CPEB3: variants seen among roughly 807,000 people sequenced by gnomAD.
CPEB3 encodes the protein cytoplasmic polyadenylation element-binding protein 3.
A neutral mutation model predicts 67.2 loss-of-function variants in CPEB3; 20 were observed. The observed-to-expected ratio is 0.30, with a 90% CI of 0.21 to 0.43. The LOEUF (loss-of-function observed/expected upper bound fraction) is 0.43, where lower values mean the gene tolerates loss of function less well. Ranked by LOEUF, CPEB3 falls within the 20% of genes least tolerant of loss-of-function variation. The pLI, the probability that CPEB3 is intolerant of heterozygous loss-of-function variation, is 1.00. For missense variants in CPEB3, 746 were observed against 968.6 expected (o/e 0.77, Z 3.05); for synonymous variants, 376 against 393.1 (o/e 0.96, Z 0.51).
At chr10:92,140,443 C>A (rs906926322) in intron 6 of CPEB3, among the ~76,000 whole-genome samples, 13 of 152,144 alleles carry the variant, frequency 8.5e-5, no homozygotes, top group African/African-American at 2.9e-4. Context: ...AAAGCTGAAA[C>A]TGGATCCCTT....
At chr10:92,066,550 T>C (rs944239514) in intron 9 of CPEB3, among the ~76,000 whole-genome samples, 4 of 152,266 alleles carry the variant, frequency 2.6e-5, no homozygotes, top group Middle Eastern at 3.4e-3. Context: ...TGGAGCAACA[T>C]AGCTTCTTGG....
intron 1 of CPEB3, among the ~76,000 whole-genome samples, chr10:92,250,477 T>C (rs1241415781): frequency 6.6e-6 from 1 of 152,332 alleles, no homozygotes; most frequent in East Asian, 1.9e-4. Flanking sequence ...CAATTTATTA[T>C]TGAAGAAAAG....
intron 2 of CPEB3, among the ~76,000 whole-genome samples, chr10:92,199,807 A>C (rs1168236587): frequency 2.6e-5 from 4 of 152,106 alleles, no homozygotes; most frequent in African/African-American, 9.7e-5. Flanking sequence ...TCTGCACTAT[A>C]AACAGTTTAA....
intron 3 of CPEB3, among the ~76,000 whole-genome samples, chr10:92,189,416 G>A (rs1427284410): frequency 6.6e-6 from 1 of 152,154 alleles, no homozygotes; most frequent in African/African-American, 2.4e-5. Flanking sequence ...GATAACATTT[G>A]AGCAGTTTCT....
chr10:92,064,559 C>T (rs1564749209), intron 9 of CPEB3, among the ~76,000 whole-genome samples: 1 of 152,128 alleles, frequency 6.6e-6, no homozygotes, highest in East Asian at 1.9e-4. Flanking sequence ...TCAACAGAGG[C>T]AAAATATTTA....
chr10:92,156,734 T>C (rs979710178), intron 4 of CPEB3, among the ~76,000 whole-genome samples: 2 of 152,206 alleles, frequency 1.3e-5, no homozygotes, highest in African/African-American at 4.8e-5. Context: ...TAAAATTTAA[T>C]GATATTTATT....
At chr10:92,052,921 C>T (rs1291606351) in intron 9 of CPEB3, among the ~76,000 whole-genome samples, 1 of 152,162 alleles carries the variant, frequency 6.6e-6, no homozygotes, top group Non-Finnish European at 1.5e-5. Flanking sequence ...AGGAGGCAGG[C>T]ACATCCTTGG....
chr10:92,158,854 C>G (rs975535094), intron 4 of CPEB3, among the ~76,000 whole-genome samples: 5 of 152,198 alleles, frequency 3.3e-5, no homozygotes, highest in African/African-American at 9.6e-5. Context: ...ACTGTGGTAT[C>G]ATGTATCACT....
chr10:92,213,982 A>G (rs1051474357), intron 2 of CPEB3, among the ~76,000 whole-genome samples: 1 of 152,180 alleles, frequency 6.6e-6, no homozygotes, highest in Non-Finnish European at 1.5e-5. Flanking sequence ...ACAGAAAACC[A>G]TACATATGAC....
At chr10:92,200,479 A>G (rs1849468817) in intron 2 of CPEB3, among the ~76,000 whole-genome samples, 1 of 138,004 alleles carries the variant, frequency 7.2e-6, no homozygotes, top group Non-Finnish European at 1.5e-5. Context: ...CGGGAGGCAG[A>G]GGTTGAGGTG....
intron 4 of CPEB3, among the ~76,000 whole-genome samples, chr10:92,166,866 A>G (rs1366343532): frequency 3.3e-5 from 5 of 152,230 alleles, no homozygotes; most frequent in African/African-American, 1.2e-4. Flanking sequence ...TCTTCTTCCA[A>G]TAGATGGCTG....
chr10:92,286,103 T>A (rs899529441), intron 1 of CPEB3, among the ~76,000 whole-genome samples: 1 of 151,838 alleles, frequency 6.6e-6, no homozygotes, highest in Non-Finnish European at 1.5e-5. Flanking sequence ...GCCCGGCTAA[T>A]TTTTTGTATT....
chr10:92,230,378 T>C lies in CPEB3; in HGVS notation c.1005+8968A>G, dbSNP rs186795302. 2.2e-4 allele frequency among the ~76,000 whole-genome samples: 34 copies of C among 152,346 alleles called. No homozygotes were observed. In the East Asian group the frequency reaches 6.4e-3, roughly 28 times the overall value. On this transcript the variant is annotated intron_variant, in intron 2 of 9. Transcript: ENST00000265997. ...CACAATGTTTCCTTCCCTTTGTGTG[T>C]ATTAATTCTATGATCACTTCAAATA...
chr10:92,160,893 T>C (rs1847442028), intron 4 of CPEB3, among the ~76,000 whole-genome samples: 1 of 152,160 alleles, frequency 6.6e-6, no homozygotes, highest in Non-Finnish European at 1.5e-5. Flanking sequence ...GGGAGTTTTG[T>C]TGGTTTGTTT....
intron 1 of CPEB3, among the ~76,000 whole-genome samples, chr10:92,277,261 A>G (rs896835470): frequency 1.3e-5 from 2 of 152,230 alleles, no homozygotes; most frequent in Non-Finnish European, 2.9e-5. Flanking sequence ...TCTAAGAGTT[A>G]TATAGTGTGA....
chr10:92,202,581 G>A (rs1300022104), intron 2 of CPEB3, among the ~76,000 whole-genome samples: 1 of 150,730 alleles, frequency 6.6e-6, no homozygotes, highest in East Asian at 1.9e-4. Flanking sequence ...GCTACAACAT[G>A]GATGAACCTT....
At chr10:92,135,491 C>T (rs1170119992) in intron 6 of CPEB3, among the ~76,000 whole-genome samples, 3 of 152,124 alleles carry the variant, frequency 2.0e-5, no homozygotes, top group African/African-American at 7.2e-5. Flanking sequence ...GAATGGCAAT[C>T]ATTAAAATGT....
intron 4 of CPEB3, among the ~76,000 whole-genome samples, chr10:92,180,395 A>G (rs923450431): frequency 5.3e-5 from 8 of 152,178 alleles, no homozygotes; most frequent in African/African-American, 1.4e-4. Context: ...ATTCATTCAC[A>G]TTATATTCTC....
At chr10:92,251,953 A>G (rs1852319082) in intron 1 of CPEB3, among the ~76,000 whole-genome samples, 1 of 151,956 alleles carries the variant, frequency 6.6e-6, no homozygotes, top group African/African-American at 2.4e-5. Context: ...AAAGAAAAAA[A>G]AAAAAAAGAA....
Sources: allele counts gnomAD v4.1 joint callset (sites outside exome capture counted in the v4.1 genomes callset), GRCh38; gene constraint gnomAD v4.1.1; transcripts MANE v1.5; gene names NCBI Gene and HGNC (gene_info 2026-07-23, HGNC 2026-07-21).